The following CNTN5 variants were observed in gnomAD, a reference collection of about 807,000 sequenced individuals.
CNTN5 encodes contactin 5.
CNTN5 carries 77 observed loss-of-function variants against 129.1 expected under a neutral mutation model. The observed-to-expected ratio is 0.60, with a 90% CI of 0.50 to 0.72. The LOEUF is 0.72. Ranked by LOEUF, CNTN5 falls within the 30% of genes least tolerant of loss-of-function variation. The pLI, the probability that CNTN5 is intolerant of heterozygous loss-of-function variation, is 0.00. For synonymous variants in CNTN5, 509 were observed against 465.6 expected (o/e 1.09, Z -1.20); for missense variants, 1,478 against 1,328.8 (o/e 1.11, Z -1.75).
chr11:99,880,554 A>C (rs1242757583), intron 6 of CNTN5, among the ~76,000 whole-genome samples: 1 of 152,158 alleles, frequency 6.6e-6, no homozygotes, highest in African/African-American at 2.4e-5. Flanking sequence ...ATTTCATGCC[A>C]CAAGCAGCTC....
rs115058749 is a variant in CNTN5, at chr11:100,000,666, C to T, written c.878-1368C>T. On this transcript the variant is annotated intron_variant, in intron 8 of 24. Coordinates refer to ENST00000524871, the MANE Select transcript of CNTN5 (RefSeq NM_014361.4). ...GGACACTGTGTGGAGGCTCCAACCCCGCCATTCCCCTCTGCATTGCCCTAG... is the reference window on the plus strand; with the variant it reads ...GGACACTGTGTGGAGGCTCCAACCCTGCCATTCCCCTCTGCATTGCCCTAG... Among the ~76,000 whole-genome samples the T allele has an allele frequency of 2.7e-3, 417 of 152,296 alleles. 1 individual carries two copies. Among genetic ancestry groups the T allele is most frequent in the African/African-American group, 9.4e-3 (391 of 41,542 alleles).
At chr11:99,476,578 A>G (rs2135294637) in intron 2 of CNTN5, among the ~76,000 whole-genome samples, 1 of 152,266 alleles carries the variant, frequency 6.6e-6, no homozygotes, top group East Asian at 1.9e-4. Flanking sequence ...TTCTTATAGA[A>G]CTTAGTCTTT....
Position 100,338,521 on chromosome 11 carries a change from T to C in CNTN5, c.2731-1942T>C, listed in dbSNP as rs1193203288. On this transcript the variant is annotated intron_variant, in intron 21 of 24. Transcript: ENST00000524871. ...TACTATTTCCACCACAGTAATTAAG[T>C]TGGGGGAAAAAAAAAGAATTACTCT... 4.6e-5 allele frequency among the ~76,000 whole-genome samples: 7 copies of C among 152,200 alleles called. No individual in the cohort carries two copies. In the East Asian group the frequency reaches 1.4e-3, roughly 29 times the overall value.
chr11:99,632,868 T>A (rs776428135), intron 3 of CNTN5, among the ~76,000 whole-genome samples: 9 of 152,054 alleles, frequency 5.9e-5, no homozygotes, highest in Admixed American at 2.6e-4. Context: ...CATCCAAATG[T>A]CCTTAATTAC....
At position 99,519,290 on chromosome 11, in the gene CNTN5, G is replaced by T. The variant is rs566004043; in HGVS notation, c.-70-36855G>T. ...GAAGCCCTCTTTGATCTCCCTGCTG[G>T]GTCAAATTCCTCTACTGTCTTTCTT... is the stretch of plus-strand genomic sequence containing the variant. On this transcript the variant is annotated intron_variant, in intron 2 of 24. Coordinates refer to ENST00000524871, the MANE Select transcript of CNTN5 (RefSeq NM_014361.4). 4.6e-5 allele frequency among the ~76,000 whole-genome samples: 7 copies of T among 151,906 alleles called. No homozygotes were observed. In the East Asian group the frequency reaches 7.7e-4, roughly 17 times the overall value.
chr11:99,922,317 A>G (rs1048586354), intron 7 of CNTN5, among the ~76,000 whole-genome samples: 1 of 152,190 alleles, frequency 6.6e-6, no homozygotes, highest in African/African-American at 2.4e-5. Flanking sequence ...TCCATCCCAC[A>G]ACACGTAGGG....
chr11:100,111,713 G>A (rs78292448), intron 13 of CNTN5, among the ~76,000 whole-genome samples: 2,556 of 152,124 alleles, frequency 0.017, 63 homozygotes, highest in African/African-American at 0.057. Context: ...GTTGACTATA[G>A]GTGCAGTATT....
At position 99,142,078 on chromosome 11, in the gene CNTN5, G is replaced by T. The variant is rs1414302259; in HGVS notation, c.-210+120808G>T. Among the ~76,000 whole-genome samples, 5 of 152,252 alleles carry T rather than the reference G, an allele frequency of 3.3e-5. No homozygotes were observed. In the South Asian group the frequency reaches 8.3e-4, roughly 25 times the overall value. On this transcript the variant is annotated intron_variant, in intron 1 of 24. Coordinates refer to ENST00000524871, the MANE Select transcript of CNTN5 (RefSeq NM_014361.4). The stretch of plus-strand genomic sequence containing the variant: ...CTTTGCTTCTCGATGATTTCAAGGG[G>T]TGAAGGCTCAGTTCAGCACTCCTGG...
intron 3 of CNTN5, among the ~76,000 whole-genome samples, chr11:99,784,579 G>A (rs1290279965): frequency 2.0e-5 from 3 of 151,896 alleles, no homozygotes; most frequent in African/African-American, 7.3e-5. Context: ...AATCCTTTGG[G>A]TATATACCCA....
chr11:99,858,714 T>C (rs1366484125), intron 6 of CNTN5, among the ~76,000 whole-genome samples: 1 of 146,732 alleles, frequency 6.8e-6, no homozygotes, highest in Non-Finnish European at 1.5e-5. Flanking sequence ...AATATTTTAA[T>C]TGATTTACCT....
intron 1 of CNTN5, among the ~76,000 whole-genome samples, chr11:99,024,023 G>C (rs1863002097): frequency 1.3e-5 from 2 of 152,140 alleles, no homozygotes; most frequent in South Asian, 4.1e-4. Flanking sequence ...GCAGGAAAGA[G>C]ACTGGTCGGA....
At chr11:99,488,392 C>T (rs935617604) in intron 2 of CNTN5, among the ~76,000 whole-genome samples, 10 of 152,032 alleles carry the variant, frequency 6.6e-5, no homozygotes, top group South Asian at 2.1e-4. Flanking sequence ...AGGCTGGTCT[C>T]GAACTCCTGA....
chr11:99,783,631 T>A (rs1207785283), intron 3 of CNTN5, among the ~76,000 whole-genome samples: 2 of 134,116 alleles, frequency 1.5e-5, no homozygotes, highest in Admixed American at 7.7e-5. Flanking sequence ...CATGGAATAC[T>A]ATGCAGCCAT....
intron 3 of CNTN5, among the ~76,000 whole-genome samples, chr11:99,753,495 A>C (rs1260340501): frequency 6.6e-6 from 1 of 151,430 alleles, no homozygotes; most frequent in Non-Finnish European, 1.5e-5. Flanking sequence ...TATGGGCATA[A>C]AATAAGATCT....
intron 3 of CNTN5, among the ~76,000 whole-genome samples, chr11:99,779,062 C>G (rs889527174): frequency 1.8e-4 from 27 of 151,762 alleles, no homozygotes; most frequent in African/African-American, 5.8e-4. Flanking sequence ...CCATTATTTT[C>G]TAATTAATAC....
intron 1 of CNTN5, among the ~76,000 whole-genome samples, chr11:99,130,161 A>G (rs1336983106): frequency 6.6e-6 from 1 of 152,152 alleles, no homozygotes; most frequent in Non-Finnish European, 1.5e-5. Context: ...TAAAATACAA[A>G]GAACGGCAAG....
At chr11:99,785,620 A>G (rs1945492635) in intron 3 of CNTN5, among the ~76,000 whole-genome samples, 3 of 152,166 alleles carry the variant, frequency 2.0e-5, no homozygotes, top group African/African-American at 2.4e-5. Flanking sequence ...AACTGAATCT[A>G]GCAGCACATT....
intron 8 of CNTN5, among the ~76,000 whole-genome samples, chr11:100,001,492 C>G (rs527606841): frequency 4.7e-4 from 72 of 152,270 alleles, no homozygotes; most frequent in Non-Finnish European, 6.5e-4. Flanking sequence ...TCTTATCTTT[C>G]ATTACAGTAA....
At chr11:99,826,903 A>G (rs1423549737) in intron 4 of CNTN5, among the ~76,000 whole-genome samples, 1 of 152,062 alleles carries the variant, frequency 6.6e-6, no homozygotes, top group East Asian at 1.9e-4. Context: ...TAAGGGGGGG[A>G]TCAGAAAGAT....
Sources: gnomAD v4.1 joint callset for allele counts (sites outside exome capture counted in the v4.1 genomes callset) on GRCh38, gnomAD v4.1.1 for gene constraint, MANE v1.5 for transcripts, NCBI Gene and HGNC (gene_info 2026-07-23, HGNC 2026-07-21) for gene names.